Variants in RGS6 observed in about 807,000 individuals in gnomAD.
The protein encoded by RGS6 is regulator of G-protein signaling 6.
RGS6 carries 30 observed loss-of-function variants against 78.5 expected under a neutral mutation model. The observed-to-expected ratio is 0.38, with a 90% CI of 0.29 to 0.52. The LOEUF (loss-of-function observed/expected upper bound fraction) is 0.52. Ranked by LOEUF, RGS6 falls within the 20% of genes least tolerant of loss-of-function variation. RGS6 has a pLI of 0.85. For synonymous variants in RGS6, 206 were observed against 206.0 expected (o/e 1.00, Z 0.00); for missense variants, 495 against 609.7 (o/e 0.81, Z 1.98).
chr14:72,336,089 A>G (rs1373235775), intron 2 of RGS6, among the ~76,000 whole-genome samples: 2 of 152,216 alleles, frequency 1.3e-5, no homozygotes, highest in Non-Finnish European at 2.9e-5. Context: ...GCCATATTAT[A>G]TTACAATTTT....
intron 3 of RGS6, among the ~76,000 whole-genome samples, chr14:72,396,041 T>C (rs1280177468): frequency 6.6e-6 from 1 of 152,152 alleles, no homozygotes; most frequent in East Asian, 1.9e-4. Context: ...CCTTTGGGTA[T>C]ATACCCAGTA....
chr14:72,065,919 C>T, intron 2 of RGS6, among the ~76,000 whole-genome samples: 1 of 151,150 alleles, frequency 6.6e-6, no homozygotes, highest in South Asian at 2.1e-4. Context: ...CTATCCCTCC[C>T]CCCCTCCCCC....
chr14:72,416,740 T>C (rs1447040720), intron 3 of RGS6, among the ~76,000 whole-genome samples: 1 of 152,198 alleles, frequency 6.6e-6, no homozygotes, highest in Non-Finnish European at 1.5e-5. Flanking sequence ...AGAACCTGTC[T>C]CTCTGAGCTC....
intron 2 of RGS6, among the ~76,000 whole-genome samples, chr14:72,097,715 A>G (rs2095438268): frequency 6.7e-6 from 1 of 150,126 alleles, no homozygotes; most frequent in African/African-American, 2.4e-5. Context: ...CTTAGCCCAG[A>G]TGCAGCCCAG....
In RGS6 at chr14:71,932,749, GA is replaced by G. The variant is rs1275891406; in HGVS notation, c.-210del. ...CTGAGCCCCTGCGCTCGCCACCACG[GA>G]AACTCGGAAAGAGGAGGCGAGGCTG... On this transcript the variant is annotated 5_prime_UTR_variant, in exon 1 of 18. Transcript: ENST00000553525. 1 of 152,228 alleles carries G rather than the reference GA, an allele frequency of 6.6e-6. No homozygotes were observed. Among genetic ancestry groups the G allele is most frequent in the African/African-American group, 2.4e-5 (1 of 41,456 alleles). The allele number at this position is 152,228 out of a possible 1,614,324, so 9.4% of individuals were successfully genotyped here.
rs1399300976 is a variant in RGS6, at chr14:71,936,043, TA to T, written c.-21+3103del. ...ATATATATATATATATATATATATG[TA>T]CATATATATCATATATACATATATG... On this transcript the variant is annotated intron_variant, in intron 1 of 17. Transcript: ENST00000553525. Among the ~76,000 whole-genome samples the T allele has an allele frequency of 4.7e-4, 53 of 113,886 alleles. No individual in the cohort carries two copies. The East Asian group carries it at 8.4e-3, about 18-fold the overall frequency. The allele number at this position is 113,886 out of a possible 152,430, so 74.7% of individuals were successfully genotyped here. A position where few individuals can be genotyped will look rare whatever the true frequency, so the allele number is the denominator to read the frequency against.
chr14:72,312,225 G>GTTTTTTTT, intron 2 of RGS6, among the ~76,000 whole-genome samples: 1 of 128,928 alleles, frequency 7.8e-6, no homozygotes, highest in Non-Finnish European at 1.7e-5. Context: ...CTGAGAAATT[G>GTTTTTTTT]TTTTTTTTTT....
intron 2 of RGS6, among the ~76,000 whole-genome samples, chr14:72,339,411 G>A (rs756279460): frequency 3.3e-5 from 5 of 152,140 alleles, no homozygotes; most frequent in Non-Finnish European, 7.3e-5. Flanking sequence ...AGTTACCCCG[G>A]CAAAGATATT....
chr14:72,475,997 C>A (rs2153348757), intron 10 of RGS6, among the ~76,000 whole-genome samples: 1 of 152,320 alleles, frequency 6.6e-6, no homozygotes, highest in East Asian at 1.9e-4. Context: ...ATAATTCTAA[C>A]ATTACAGAAT....
At chr14:71,997,663 A>G (rs1311630140) in intron 2 of RGS6, among the ~76,000 whole-genome samples, 1 of 152,150 alleles carries the variant, frequency 6.6e-6, no homozygotes, top group Non-Finnish European at 1.5e-5. Context: ...TGCAGAAAAT[A>G]TCAACATTTC....
intron 2 of RGS6, among the ~76,000 whole-genome samples, chr14:72,031,028 G>A (rs2090793297): frequency 6.6e-6 from 1 of 151,132 alleles, no homozygotes; most frequent in Admixed American, 6.6e-5. Context: ...AATAACACAG[G>A]ATGCAAGACT....
At chr14:72,460,661 T>G (rs138098126) in intron 6 of RGS6, among the ~76,000 whole-genome samples, 15 of 152,342 alleles carry the variant, frequency 9.8e-5, no homozygotes, top group South Asian at 2.1e-4. Context: ...GCATCCTTGC[T>G]GCTGACTCAG....
At chr14:72,011,566 G>T (rs1190177493) in intron 2 of RGS6, among the ~76,000 whole-genome samples, 2 of 118,450 alleles carry the variant, frequency 1.7e-5, no homozygotes, top group Non-Finnish European at 3.7e-5. Context: ...GTCAAAAAAT[G>T]TGTAGCTCAA....
intron 2 of RGS6, among the ~76,000 whole-genome samples, chr14:72,227,782 T>C (rs2048475961): frequency 6.6e-6 from 1 of 152,218 alleles, no homozygotes; most frequent in African/African-American, 2.4e-5. Flanking sequence ...TAACTGGATG[T>C]GTCTGTATAG....
intron 2 of RGS6, among the ~76,000 whole-genome samples, chr14:72,151,339 C>T (rs542126774): frequency 2.8e-4 from 43 of 152,272 alleles, no homozygotes; most frequent in East Asian, 1.2e-3. Flanking sequence ...AAACAGATTG[C>T]GCATGTAATT....
intron 3 of RGS6, among the ~76,000 whole-genome samples, chr14:72,445,044 G>A (rs4903020): frequency 0.59 from 90,409 of 152,118 alleles, 28,315 homozygotes; most frequent in East Asian, 0.82. Flanking sequence ...TCAGCCTGGA[G>A]GTAAAGAGCT....
intron 2 of RGS6, among the ~76,000 whole-genome samples, chr14:72,128,454 A>G (rs1048856207): frequency 6.6e-6 from 1 of 152,174 alleles, no homozygotes; most frequent in African/African-American, 2.4e-5. Flanking sequence ...ACTGCTCAAT[A>G]TAGTACACTA....
the RGS6 span, among the ~76,000 whole-genome samples, chr14:71,925,279 T>C: frequency 6.6e-6 from 1 of 152,260 alleles, no homozygotes; most frequent in African/African-American, 2.4e-5. Context: ...TGCGATTGAA[T>C]TGAGTTCCTA....
chr14:72,065,115 T>C (rs1370737986), intron 2 of RGS6, among the ~76,000 whole-genome samples: 2 of 152,214 alleles, frequency 1.3e-5, no homozygotes, highest in Admixed American at 1.3e-4. Flanking sequence ...AGCAGAGCCA[T>C]CTGAATTGAA....
Sources: gnomAD v4.1 joint callset for allele counts (sites outside exome capture counted in the v4.1 genomes callset) on GRCh38, gnomAD v4.1.1 for gene constraint, MANE v1.5 for transcripts, NCBI Gene and HGNC (gene_info 2026-07-23, HGNC 2026-07-21) for gene names.